The following LRP2 variants were observed in gnomAD, a reference collection of about 807,000 sequenced individuals.
LRP2 encodes low-density lipoprotein receptor-related protein 2.
A neutral mutation model predicts 531.0 loss-of-function variants in LRP2; 172 were observed. The observed-to-expected ratio is 0.32, with a 90% CI of 0.29 to 0.37. The LOEUF is 0.37. Among genes scored for constraint, LRP2 ranks in the 10% least tolerant of loss-of-function variants. The pLI is 1.00. For missense variants in LRP2, 5,167 were observed against 5,868.3 expected, an observed-to-expected ratio of 0.88 and a Z score of 3.90; for synonymous variants, 1,992 against 2,027.6, an observed-to-expected ratio of 0.98 and a Z score of 0.47.
chr2:169,292,267 T>C lies in LRP2; in HGVS notation c.755A>G (p.Asp252Gly), dbSNP rs1173224171. Residue 252 changes from aspartate to glycine, a missense_variant, in exon 7 of 79, where the codon GAT (aspartate) becomes GGT (glycine). Physicochemically the swap from Asp to Gly is moderately conservative, Grantham distance 94. Around this residue, in one of 6 missense-constraint regions of LRP2, gnomAD observed 2,811 missense variants for 3,058.0 expected, o/e 0.92. Coordinates refer to ENST00000649046, the MANE Select transcript of LRP2 (RefSeq NM_004525.3). ...CCCCTCCTTACCACATCCATCTTCA[T>C]CTCCATTATCTTTACAGTCATCTTC... ...DGEDDCKDNG[D>G]EDGCESGPHD... 9 of 1,611,312 alleles carry C rather than the reference T, an allele frequency of 5.6e-6. No individual in the cohort carries two copies. The highest frequency in any genetic ancestry group is 7.6e-6 in the Non-Finnish European group (9 of 1,177,452).
At chr2:169,335,783 G>T (rs1352807760) in intron 1 of LRP2, among the ~76,000 whole-genome samples, 1 of 152,212 alleles carries the variant, frequency 6.6e-6, no homozygotes, top group South Asian at 2.1e-4. Context: ...GGAGGCCAAG[G>T]TGGGTGGATC....
chr2:169,261,512 G>C (rs1259749355), intron 16 of LRP2, among the ~76,000 whole-genome samples: 1 of 138,504 alleles, frequency 7.2e-6, no homozygotes, highest in Non-Finnish European at 1.6e-5. Flanking sequence ...CATATACTGT[G>C]TACTCATTCA....
chr2:169,299,064 AAAG>A (rs1402463995), intron 4 of LRP2, among the ~76,000 whole-genome samples: 4 of 136,384 alleles, frequency 2.9e-5, no homozygotes, highest in Non-Finnish European at 6.3e-5. Flanking sequence ...AAGAAGAAAG[AAAG>A]AAGGAAAGAA....
In LRP2 at chr2:169,139,413, C is replaced by T. The variant is rs773435080; in HGVS notation, c.13268-42G>A. 5.0e-6 allele frequency: 8 copies of T among 1,614,002 alleles called. No individual in the cohort carries two copies. In the Admixed American group the frequency reaches 8.3e-5, roughly 17 times the overall value. On this transcript the variant is annotated intron_variant, in intron 73 of 78. Coordinates refer to ENST00000649046, the MANE Select transcript of LRP2 (RefSeq NM_004525.3). The stretch of plus-strand genomic sequence containing the variant: ...CAGAGAGCACATCAACACATGGGAG[C>T]CCGCAATCCTGGCAGAAACTGGGGG...
intron 28 of LRP2, among the ~76,000 whole-genome samples, chr2:169,236,591 G>A (rs1689614638): frequency 6.6e-6 from 1 of 152,118 alleles, no homozygotes; most frequent in Non-Finnish European, 1.5e-5. Context: ...TAAATTCAGG[G>A]AAAGAAATCC....
intron 46 of LRP2, among the ~76,000 whole-genome samples, chr2:169,196,230 G>T (rs1337680148): frequency 1.3e-5 from 2 of 152,228 alleles, no homozygotes; most frequent in African/African-American, 4.8e-5. Flanking sequence ...TATCTATAAA[G>T]ACAGGCAACT....
At chr2:169,335,978 G>A (rs1685393035) in intron 1 of LRP2, among the ~76,000 whole-genome samples, 2 of 148,476 alleles carry the variant, frequency 1.3e-5, no homozygotes, top group African/African-American at 2.5e-5. Context: ...TAGTGCCATT[G>A]CACTCCAGCC....
chr2:169,288,085 C>T (rs1482102773), intron 9 of LRP2, among the ~76,000 whole-genome samples: 2 of 152,074 alleles, frequency 1.3e-5, no homozygotes, highest in African/African-American at 4.8e-5. Context: ...AATTGCCTTC[C>T]AGATGCCTTT....
intron 16 of LRP2, among the ~76,000 whole-genome samples, chr2:169,269,474 G>A (rs1053580542): frequency 1.7e-4 from 26 of 152,080 alleles, no homozygotes; most frequent in Non-Finnish European, 3.4e-4. Flanking sequence ...TCTGATCTTT[G>A]ACAAACCTGA....
chr2:169,156,191 C>T (rs2105361269), intron 65 of LRP2, 83 bp downstream of exon 65: 1 of 1,564,908 alleles, frequency 6.4e-7, no homozygotes, highest in Non-Finnish European at 8.7e-7. Flanking sequence ...CTATGAGAAG[C>T]TGAAGTTTCT....
intron 3 of LRP2, among the ~76,000 whole-genome samples, chr2:169,308,585 G>A (rs1234004852): frequency 6.6e-6 from 1 of 152,180 alleles, no homozygotes; most frequent in East Asian, 1.9e-4. Flanking sequence ...GTATTCCATG[G>A]TGTATATGTG....
intron 55 of LRP2, 94 bp downstream of exon 55, chr2:169,175,099 T>C: frequency 7.9e-7 from 1 of 1,263,106 alleles, no homozygotes; most frequent in South Asian, 1.2e-5. Context: ...GAACTGGTTT[T>C]TAGTTCATGA....
chr2:169,194,602 C>G (rs1282138728), intron 46 of LRP2, among the ~76,000 whole-genome samples: 1 of 152,042 alleles, frequency 6.6e-6, no homozygotes, highest in Non-Finnish European at 1.5e-5. Context: ...TGGAATTAGC[C>G]TAAGGCAAGA....
At chr2:169,240,372 T>C (rs1453903364) in intron 25 of LRP2, among the ~76,000 whole-genome samples, 1 of 152,240 alleles carries the variant, frequency 6.6e-6, no homozygotes, top group Admixed American at 6.5e-5. Context: ...CCATGTGTAC[T>C]CTAACATATT....
At chr2:169,357,330 T>TTTTAG (rs1686021571) in intron 1 of LRP2, among the ~76,000 whole-genome samples, 1 of 145,562 alleles carries the variant, frequency 6.9e-6, no homozygotes, top group African/African-American at 2.6e-5. Flanking sequence ...TTTTATTTTA[T>TTTTAG]TTTATTTTAT....
In LRP2 at chr2:169,220,473, T is replaced by C. The variant is rs773578988; in HGVS notation, c.5629A>G (p.Thr1877Ala). ...ALGVGFPIGITVDPARGKLYW... is the reference protein window; with the variant it reads ...ALGVGFPIGIAVDPARGKLYW... Reference sequence around the variant, plus strand: ...ACTCACCCACGAGCAGGATCAACAGTTATGCCAATTGGAAAGCCAACTCCA... The same window carrying C: ...ACTCACCCACGAGCAGGATCAACAGCTATGCCAATTGGAAAGCCAACTCCA... Residue 1877 changes from threonine (T) to alanine (A), a missense_variant, in exon 34 of 79, where the codon ACT becomes GCT. Transcript: ENST00000649046. The C allele has an allele frequency of 6.2e-7, 1 of 1,613,414 alleles. No homozygotes were observed. The highest frequency in any genetic ancestry group is 8.5e-7 in the Non-Finnish European group (1 of 1,179,482).
At chr2:169,270,844 A>C in intron 16 of LRP2, 60 bp downstream of exon 16, 1 of 1,222,808 alleles carries the variant, frequency 8.2e-7, no homozygotes, top group Admixed American at 1.8e-5. Flanking sequence ...TGTAAGTATC[A>C]TTACAATAAA....
rs1690429694 is a variant in LRP2, at chr2:169,259,104, T to G, written c.2434A>C (p.Arg812=). The G allele has an allele frequency of 6.2e-7, 1 of 1,613,106 alleles. No homozygotes were observed. The highest frequency in any genetic ancestry group is 8.5e-7 in the Non-Finnish European group (1 of 1,179,378). The change falls in exon 17 of 79, where the codon AGG becomes CGG. Residue 812 remains arginine (R), a synonymous_variant. Coordinates refer to ENST00000649046, the MANE Select transcript of LRP2 (RefSeq NM_004525.3). ...DSHYKSISVM[R]LADKTRRTVV... is the part of the protein sequence containing the mutation. ...GTGCGTCTCGTTTTATCAGCTAGCCTCATGACACTGATACTCTTGTAATGA... is the reference window on the plus strand; with the variant it reads ...GTGCGTCTCGTTTTATCAGCTAGCCGCATGACACTGATACTCTTGTAATGA...
chr2:169,216,482 T>G, intron 34 of LRP2, 52 bp from the exon 35 acceptor site: 2 of 1,569,942 alleles, frequency 1.3e-6, no homozygotes, highest in Middle Eastern at 1.7e-4. Flanking sequence ...TGGATTTGAG[T>G]CAGTGACATA....
Sources: allele counts gnomAD v4.1 joint callset (sites outside exome capture counted in the v4.1 genomes callset), GRCh38; gene constraint gnomAD v4.1.1; regional missense constraint gnomAD v4.1.1; transcripts MANE v1.5; gene names NCBI Gene and HGNC (gene_info 2026-07-23, HGNC 2026-07-21).